Variants in GET4 observed in about 807,000 individuals in gnomAD.
GET4 encodes the protein guided entry of tail-anchored proteins factor 4.
GET4 carries 20 observed loss-of-function variants against 40.0 expected under a neutral mutation model. That is an observed-to-expected ratio of 0.50 (90% CI 0.35 to 0.73). GET4 has a LOEUF of 0.73. Ranked by LOEUF, GET4 falls within the 30% of genes least tolerant of loss-of-function variation. The probability of loss-of-function intolerance (pLI) is 0.01; values close to 1 mark genes in which losing one functional copy is unlikely to be tolerated. For missense variants in GET4, 557 were observed against 454.0 expected, an observed-to-expected ratio of 1.23 and a Z score of -2.06; for synonymous variants, 280 against 194.6, an observed-to-expected ratio of 1.44 and a Z score of -3.65.
At chr7:886,013 C>T (rs776087267) in intron 1 of GET4, 43 bp from the exon 2 acceptor site, 12 of 1,177,424 alleles carry the variant, frequency 1.0e-5, no homozygotes, top group African/African-American at 7.5e-5. Context: ...AGCGCGGTGG[C>T]GAGGGCACGT....
chr7:884,051 C>T (rs1407835257), intron 1 of GET4: 8 of 1,171,202 alleles, frequency 6.8e-6, no homozygotes, highest in Admixed American at 7.5e-5. Flanking sequence ...GCAGGCTCCT[C>T]GTGCAGGAAT....
chr7:886,027 C>T (rs373420470), intron 1 of GET4, 29 bp from the exon 2 acceptor site: 23 of 1,414,798 alleles, frequency 1.6e-5, no homozygotes, highest in East Asian at 2.3e-5. Context: ...GGCACGTGGG[C>T]GTGGCTCACG....
chr7:892,980 G>C (rs1237914258), intron 6 of GET4, among the ~76,000 whole-genome samples: 2 of 151,620 alleles, frequency 1.3e-5, no homozygotes, highest in Non-Finnish European at 2.9e-5. Flanking sequence ...GGTGTTTGCA[G>C]GTAAGTGTTG....
At chr7:883,654 A>G in intron 1 of GET4, 5 of 985,552 alleles carry the variant, frequency 5.1e-6, no homozygotes, top group African/African-American at 1.7e-5. Flanking sequence ...GGCACGGCCA[A>G]TAGTGCGCAG....
intron 1 of GET4, chr7:882,727 G>T (rs1242729352): frequency 6.6e-6 from 1 of 152,584 alleles, no homozygotes; most frequent in Non-Finnish European, 1.5e-5. Context: ...GCTTTCTCCA[G>T]ACTTCTCCCT....
At chr7:888,011 T>C (rs1844229264) in intron 4 of GET4, among the ~76,000 whole-genome samples, 1 of 152,158 alleles carries the variant, frequency 6.6e-6, no homozygotes, top group African/African-American at 2.4e-5. Context: ...TAGATATTCA[T>C]TGAGTGACTT....
In GET4 at chr7:876,813, G is replaced by C. The variant is rs1422253917; in HGVS notation, c.155+13G>C. On this transcript the variant is annotated intron_variant, in intron 1 of 8. Transcript: ENST00000265857. ...CCCTGTTCTTCAGGTACCCGCGCCC[G>C]GCCCTCGCCGCAGCCCAGCGCCCGC... 1.7e-6 allele frequency: 2 copies of C among 1,175,188 alleles called. No individual in the cohort carries two copies. The highest frequency in any genetic ancestry group is 2.1e-6 in the Non-Finnish European group (2 of 938,844). 72.8% of individuals were successfully genotyped at this position (1,175,188 alleles called of 1,614,324 possible).
intron 1 of GET4, chr7:878,274 T>C (rs1270820534): frequency 4.2e-6 from 2 of 471,116 alleles, no homozygotes; most frequent in Admixed American, 4.7e-5. Flanking sequence ...TCAGGACTGC[T>C]CTGTTCCAGT....
chr7:893,566 AGGCGTGGTGGTTGCAGGTGAGTGT>A (rs1844391213), intron 6 of GET4, among the ~76,000 whole-genome samples, 150 bp from the exon 7 acceptor site: 1 of 104,388 alleles, frequency 9.6e-6, no homozygotes, highest in African/African-American at 4.0e-5. Flanking sequence ...TGTTGGGCGT[AGGCGTGGTGGTTGCAGGTGAGTGT>A]TGGGCATGGG....
At chr7:891,555 G>A (rs536428502) in intron 5 of GET4, among the ~76,000 whole-genome samples, 277 of 152,164 alleles carry the variant, frequency 1.8e-3, no homozygotes, top group Non-Finnish European at 3.5e-3. Flanking sequence ...TCGCTGGGGC[G>A]TCCTGCAGGC....
intron 4 of GET4, 94 bp downstream of exon 4, chr7:887,613 C>G (rs1468354988): frequency 1.0e-6 from 1 of 1,002,794 alleles, no homozygotes; most frequent in African/African-American, 1.7e-5. Context: ...CCCACCAGGG[C>G]AGAGATGGGG....
At chr7:879,483 C>G (rs1844040218) in intron 1 of GET4, among the ~76,000 whole-genome samples, 1 of 152,198 alleles carries the variant, frequency 6.6e-6, no homozygotes, top group South Asian at 2.1e-4. Context: ...GTTTAGTGTT[C>G]ACATTGTTTG....
At chr7:887,139 C>T (rs1193051709) in intron 3 of GET4, 2 of 683,434 alleles carry the variant, frequency 2.9e-6, no homozygotes, top group South Asian at 1.5e-5. Context: ...TTCCCCAGCC[C>T]CCGCCTCGGC....
intron 1 of GET4, chr7:883,607 A>G (rs2128627229): frequency 1.0e-6 from 1 of 985,420 alleles, no homozygotes; most frequent in Non-Finnish European, 1.2e-6. Flanking sequence ...GGCAGAAGCC[A>G]TTTCCCTATC....
chr7:878,597 G>T (rs1376989595), intron 1 of GET4, among the ~76,000 whole-genome samples: 1 of 143,202 alleles, frequency 7.0e-6, no homozygotes, highest in Non-Finnish European at 1.5e-5. Context: ...TTTTTGCGAC[G>T]GAGTCTCGCT....
At chr7:879,011 ACT>A (rs1221030483) in intron 1 of GET4, among the ~76,000 whole-genome samples, 2 of 151,620 alleles carry the variant, frequency 1.3e-5, no homozygotes, top group African/African-American at 4.9e-5. Flanking sequence ...GGGACCCATC[ACT>A]CACATCGGGG....
At chr7:883,880 G>A (rs1172580650) in intron 1 of GET4, 6 of 1,023,930 alleles carry the variant, frequency 5.9e-6, no homozygotes, top group Middle Eastern at 4.8e-4. Context: ...ACCTGGAAAC[G>A]GGTGCCCCCA....
Position 876,613 on chromosome 7 carries a change from G to C in GET4, c.-33G>C. 8.5e-7 allele frequency: 1 copy of C among 1,170,920 alleles called. No individual in the cohort carries two copies. Among genetic ancestry groups the C allele is most frequent in the Non-Finnish European group, 1.1e-6 (1 of 943,912 alleles). 72.5% of individuals were successfully genotyped at this position (1,170,920 alleles called of 1,614,324 possible). On this transcript the variant is annotated 5_prime_UTR_variant, in exon 1 of 9. Coordinates refer to ENST00000265857, the MANE Select transcript of GET4 (RefSeq NM_015949.3). Reference sequence around the variant, plus strand: ...GGGAGGCGCTGCCGACCGCGCCTGCGACAGCGTCAGCCCTGCGCGGAGCGC... The same window carrying C: ...GGGAGGCGCTGCCGACCGCGCCTGCCACAGCGTCAGCCCTGCGCGGAGCGC...
At chr7:885,741 GC>G in intron 1 of GET4, 1 of 351,978 alleles carries the variant, frequency 2.8e-6, no homozygotes, top group Non-Finnish European at 5.3e-6. Flanking sequence ...CTGCGCACCT[GC>G]CCTGCCCAGT....
Sources: gnomAD v4.1 joint callset for allele counts (sites outside exome capture counted in the v4.1 genomes callset) on GRCh38, gnomAD v4.1.1 for gene constraint, MANE v1.5 for transcripts, NCBI Gene and HGNC (gene_info 2026-07-23, HGNC 2026-07-21) for gene names.